The following NRG3 variants were observed in gnomAD, a reference collection of about 807,000 sequenced individuals.
NRG3 encodes neuregulin 3.
Under a neutral mutation model 66.9 loss-of-function variants are expected in NRG3, and 31 were observed. The observed-to-expected ratio is 0.46, with a 90% CI of 0.35 to 0.63. The LOEUF (loss-of-function observed/expected upper bound fraction) is 0.63, where lower values mean the gene tolerates loss of function less well. Ranked by LOEUF, NRG3 falls within the 20% of genes least tolerant of loss-of-function variation. The pLI, the probability that NRG3 is intolerant of heterozygous loss-of-function variation, is 0.00. For missense variants in NRG3, 910 were observed against 878.9 expected (o/e 1.04, Z -0.45); for synonymous variants, 393 against 359.4 (o/e 1.09, Z -1.06).
chr10:82,333,487 T>C (rs2135299810), intron 1 of NRG3, among the ~76,000 whole-genome samples: 1 of 152,322 alleles, frequency 6.6e-6, no homozygotes, highest in Middle Eastern at 3.4e-3. Context: ...TCCTAGAATG[T>C]CCCTCAGTAT....
chr10:82,833,481 C>T (rs1287844159), intron 3 of NRG3, among the ~76,000 whole-genome samples: 2 of 152,130 alleles, frequency 1.3e-5, no homozygotes, highest in South Asian at 2.1e-4. Flanking sequence ...CATCTGCCCA[C>T]CTGTTTGGAC....
chr10:81,992,335 A>G (rs1323926473), intron 1 of NRG3, among the ~76,000 whole-genome samples: 1 of 152,174 alleles, frequency 6.6e-6, no homozygotes, highest in Non-Finnish European at 1.5e-5. Flanking sequence ...AGTTGATCTC[A>G]TAGTTGTAAT....
At chr10:82,113,106 G>A (rs774975216) in intron 1 of NRG3, among the ~76,000 whole-genome samples, 2 of 152,174 alleles carry the variant, frequency 1.3e-5, no homozygotes, top group Non-Finnish European at 1.5e-5. Flanking sequence ...TAATAGTAAT[G>A]TAGGGATTGT....
At chr10:82,288,650 A>G (rs968493936) in intron 1 of NRG3, among the ~76,000 whole-genome samples, 2 of 152,182 alleles carry the variant, frequency 1.3e-5, no homozygotes, top group Non-Finnish European at 2.9e-5. Context: ...AAAAAAGTGA[A>G]CAAAAGAAAT....
intron 3 of NRG3, among the ~76,000 whole-genome samples, chr10:82,790,012 TC>T (rs2060521865): frequency 1.3e-5 from 2 of 152,082 alleles, no homozygotes; most frequent in African/African-American, 4.8e-5. Flanking sequence ...CATTTTCTCC[TC>T]CTTTTGCACT....
intron 2 of NRG3, among the ~76,000 whole-genome samples, chr10:82,367,717 G>T (rs910835852): frequency 2.6e-5 from 4 of 152,030 alleles, no homozygotes; most frequent in African/African-American, 9.7e-5. Context: ...ATTCTTGACC[G>T]AACGTGGTGG....
chr10:82,612,511 G>C (rs1364310316), intron 2 of NRG3, among the ~76,000 whole-genome samples: 10 of 152,090 alleles, frequency 6.6e-5, no homozygotes, highest in Non-Finnish European at 1.3e-4. Flanking sequence ...AATGCTTTTT[G>C]AATTAGCAGA....
chr10:82,878,004 G>A (rs1841986590), intron 4 of NRG3, among the ~76,000 whole-genome samples: 2 of 152,090 alleles, frequency 1.3e-5, no homozygotes, highest in Admixed American at 6.5e-5. Flanking sequence ...CTAGAGCTAC[G>A]GTTTAGGGTA....
intron 5 of NRG3, among the ~76,000 whole-genome samples, chr10:82,952,810 A>G (rs1398171473): frequency 6.6e-6 from 1 of 151,952 alleles, no homozygotes; most frequent in Non-Finnish European, 1.5e-5. Context: ...AACTGTGATT[A>G]TGATTTTTTA....
intron 1 of NRG3, among the ~76,000 whole-genome samples, chr10:81,957,804 A>G (rs1849984862): frequency 6.6e-6 from 1 of 152,252 alleles, no homozygotes; most frequent in Admixed American, 6.5e-5. Flanking sequence ...TTGGGATAAT[A>G]TCTATTTTAT....
At chr10:82,930,375 G>A (rs925562459) in intron 4 of NRG3, among the ~76,000 whole-genome samples, 2 of 152,148 alleles carry the variant, frequency 1.3e-5, no homozygotes, top group African/African-American at 4.8e-5. Flanking sequence ...TTTATAAACA[G>A]GACTATCTGT....
chr10:82,439,727 A>C, intron 2 of NRG3, among the ~76,000 whole-genome samples: 1 of 152,072 alleles, frequency 6.6e-6, no homozygotes, highest in Non-Finnish European at 1.5e-5. Flanking sequence ...TTATATATTT[A>C]ATGTTGTGTT....
chr10:82,208,063 AG>A (rs1451037405), intron 1 of NRG3, among the ~76,000 whole-genome samples: 1 of 152,216 alleles, frequency 6.6e-6, no homozygotes, highest in African/African-American at 2.4e-5. Flanking sequence ...ATTATCAGGT[AG>A]AAACAATTAT....
intron 2 of NRG3, among the ~76,000 whole-genome samples, chr10:82,469,294 G>C: frequency 6.6e-6 from 1 of 152,074 alleles, no homozygotes; most frequent in East Asian, 1.9e-4. Flanking sequence ...TTTACAAAGC[G>C]TTGAGACAAG....
At chr10:82,242,494 G>A (rs2077049139) in intron 1 of NRG3, among the ~76,000 whole-genome samples, 2 of 152,142 alleles carry the variant, frequency 1.3e-5, no homozygotes, top group African/African-American at 4.8e-5. Context: ...TATGTGCTAA[G>A]TGAAATGTAG....
At chr10:82,159,228 T>C (rs951149773) in intron 1 of NRG3, among the ~76,000 whole-genome samples, 13 of 151,896 alleles carry the variant, frequency 8.6e-5, no homozygotes, top group Non-Finnish European at 2.9e-5. Context: ...TAACTAAGTT[T>C]CATATGCAAT....
chr10:82,097,586 G>A (rs1362604758), intron 1 of NRG3, among the ~76,000 whole-genome samples: 2 of 151,352 alleles, frequency 1.3e-5, no homozygotes, highest in African/African-American at 4.8e-5. Flanking sequence ...TTAGCATATG[G>A]CTTTTGGGTG....
intron 1 of NRG3, among the ~76,000 whole-genome samples, chr10:82,012,196 A>T (rs1315252901): frequency 6.6e-6 from 1 of 152,126 alleles, no homozygotes; most frequent in Non-Finnish European, 1.5e-5. Flanking sequence ...GCTCAACATC[A>T]CGTGGAAGCT....
chr10:82,384,929 C>T (rs1278060947), intron 2 of NRG3, among the ~76,000 whole-genome samples: 2 of 152,202 alleles, frequency 1.3e-5, no homozygotes, highest in Admixed American at 6.5e-5. Flanking sequence ...TCCACAACCT[C>T]GCCAACATCT....
Sources: allele counts gnomAD v4.1 joint callset (sites outside exome capture counted in the v4.1 genomes callset), GRCh38; gene constraint gnomAD v4.1.1; transcripts MANE v1.5; gene names NCBI Gene and HGNC (gene_info 2026-07-23, HGNC 2026-07-21).